The following SLC1A1 variants were observed in gnomAD, a reference collection of about 807,000 sequenced individuals.
SLC1A1 encodes the protein excitatory amino acid transporter 3.
In SLC1A1, 43 loss-of-function variants were observed where a neutral mutation model predicts 53.3. The observed-to-expected ratio is 0.81, with a 90% CI of 0.63 to 1.04. The LOEUF is 1.04. SLC1A1 is among the 50% of genes least tolerant of loss of function. The pLI is 0.00. For synonymous variants in SLC1A1, 307 were observed against 243.2 expected (o/e 1.26, Z -2.44); for missense variants, 748 against 664.9 (o/e 1.12, Z -1.37).
intron 5 of SLC1A1, among the ~76,000 whole-genome samples, chr9:4,567,331 T>C (rs1172330442): frequency 6.6e-6 from 1 of 152,202 alleles, no homozygotes; most frequent in Non-Finnish European, 1.5e-5. Context: ...TTGACAGGAA[T>C]CCTTACAGAG....
In SLC1A1 at chr9:4,532,996, T is replaced by C. The variant is rs188848188; in HGVS notation, c.92-11571T>C. Among the ~76,000 whole-genome samples the C allele has an allele frequency of 6.8e-4, 103 of 152,250 alleles. 1 individual carries two copies. Among genetic ancestry groups the C allele is most frequent in the Middle Eastern group, 3.4e-3 (1 of 294 alleles). On this transcript the variant is annotated intron_variant, in intron 1 of 11. Transcript: ENST00000262352. ...TAAGTGAAGGAGAAATAAAATACTTTACAGACAAGCAAATGCTGAGAGATT... is the reference window on the plus strand; with the variant it reads ...TAAGTGAAGGAGAAATAAAATACTTCACAGACAAGCAAATGCTGAGAGATT...
chr9:4,569,785 C>T (rs1052880585), intron 6 of SLC1A1, among the ~76,000 whole-genome samples: 1 of 152,214 alleles, frequency 6.6e-6, no homozygotes, highest in African/African-American at 2.4e-5. Flanking sequence ...AGATTCACCT[C>T]CTCCATCACT....
intron 1 of SLC1A1, among the ~76,000 whole-genome samples, chr9:4,542,591 A>T (rs562163241): frequency 1.1e-4 from 17 of 152,308 alleles, no homozygotes; most frequent in African/African-American, 4.1e-4. Flanking sequence ...TTTCTTTGAC[A>T]TACAAGCCAA....
chr9:4,554,649 A>T (rs1818211710), intron 2 of SLC1A1, among the ~76,000 whole-genome samples: 1 of 152,328 alleles, frequency 6.6e-6, no homozygotes, highest in South Asian at 2.1e-4. Flanking sequence ...TGAGACAGGA[A>T]GATGGCACAA....
chr9:4,576,675 G>T lies in SLC1A1; in HGVS notation c.1105G>T (p.Gly369Trp). 16 of 1,614,150 alleles carry T rather than the reference G, an allele frequency of 9.9e-6. No individual in the cohort carries two copies. Among genetic ancestry groups the T allele is most frequent in the Non-Finnish European group, 1.4e-5 (16 of 1,179,980 alleles). ...LPVGATINMD[G>W]TALYEAVAAV... is the part of the protein sequence containing the mutation. Reference sequence around the variant, plus strand: ...CGTTGGTGCAACAATCAACATGGATGGGACTGCGCTCTATGAAGCAGTGGC... The same window carrying T: ...CGTTGGTGCAACAATCAACATGGATTGGACTGCGCTCTATGAAGCAGTGGC... Residue 369 changes from glycine to tryptophan, a missense_variant, in exon 10 of 12, where the codon GGG (glycine) becomes TGG (tryptophan). Coordinates refer to ENST00000262352, the MANE Select transcript of SLC1A1 (RefSeq NM_004170.6).
At chr9:4,529,596 C>G (rs1816390652) in intron 1 of SLC1A1, among the ~76,000 whole-genome samples, 1 of 151,998 alleles carries the variant, frequency 6.6e-6, no homozygotes, top group South Asian at 2.1e-4. Context: ...TATGAGTGAA[C>G]AAATGAATAT....
intron 2 of SLC1A1, among the ~76,000 whole-genome samples, chr9:4,550,203 G>A (rs748512091): frequency 3.3e-5 from 5 of 152,164 alleles, no homozygotes; most frequent in African/African-American, 1.2e-4. Context: ...ACCAGACACT[G>A]GTTGGGTGAC....
At chr9:4,566,737 AG>A (rs1205147524) in intron 5 of SLC1A1, among the ~76,000 whole-genome samples, 1 of 152,168 alleles carries the variant, frequency 6.6e-6, no homozygotes, top group Non-Finnish European at 1.5e-5. Flanking sequence ...CCATTGCTGG[AG>A]CTCTACAATG....
At chr9:4,524,118 T>C (rs1280440189) in intron 1 of SLC1A1, among the ~76,000 whole-genome samples, 1 of 152,248 alleles carries the variant, frequency 6.6e-6, no homozygotes, top group Non-Finnish European at 1.5e-5. Context: ...GATTGTTGGC[T>C]AATTGATCCT....
chr9:4,492,801 GA>G (rs34631013), intron 1 of SLC1A1, among the ~76,000 whole-genome samples: 163 of 140,930 alleles, frequency 1.2e-3, no homozygotes, highest in East Asian at 7.9e-3. Flanking sequence ...TGTCTAAAAA[GA>G]AAAAAAAAAA....
intron 1 of SLC1A1, among the ~76,000 whole-genome samples, chr9:4,522,054 CTTTTTTT>C (rs574251219): frequency 4.3e-5 from 1 of 23,364 alleles, no homozygotes; most frequent in East Asian, 6.8e-4. Flanking sequence ...TTTTTTTTTT[CTTTTTTT>C]TTTTTTTTGA....
intron 1 of SLC1A1, among the ~76,000 whole-genome samples, chr9:4,527,123 T>C (rs1816290643): frequency 6.6e-6 from 1 of 152,114 alleles, no homozygotes; most frequent in African/African-American, 2.4e-5. Context: ...CAGTAGGACT[T>C]GCAGGAGCCG....
chr9:4,575,027 C>T (rs1005584806), intron 8 of SLC1A1, among the ~76,000 whole-genome samples: 3 of 152,184 alleles, frequency 2.0e-5, no homozygotes, highest in Admixed American at 1.3e-4. Flanking sequence ...GATCGTGTCT[C>T]AGCAGTGACG....
rs557106242 is a variant in SLC1A1, at chr9:4,510,114, A to G, written c.91+19344A>G. Among the ~76,000 whole-genome samples the G allele has an allele frequency of 3.9e-5, 6 of 152,304 alleles. No homozygotes were observed. The South Asian group carries it at 6.2e-4, about 16-fold the overall frequency. The stretch of plus-strand genomic sequence containing the variant: ...CTCCCAAAGTGCTGGGATTACAGGC[A>G]TGAGCCACTACGCCCAGTCTATTTT... On this transcript the variant is annotated intron_variant, in intron 1 of 11. Coordinates refer to ENST00000262352, the MANE Select transcript of SLC1A1 (RefSeq NM_004170.6).
intron 2 of SLC1A1, among the ~76,000 whole-genome samples, chr9:4,555,990 ATT>A (rs71326117): frequency 0.012 from 1,727 of 141,850 alleles, 11 homozygotes; most frequent in African/African-American, 0.025. Context: ...TACTAGCCCT[ATT>A]TTTTTTTTTT....
rs1821637333 is a variant in SLC1A1 at position 4,587,318 on chromosome 9, C to T, written c.*1760C>T. On this transcript the variant is annotated 3_prime_UTR_variant, in exon 12 of 12. Transcript: ENST00000262352. ...GGTTCTACCCCTTACTAGGTTGCCC[C>T]AATTAGTGGCACTAGTTGGCAGAGC... 2 of 152,146 alleles carry T rather than the reference C, an allele frequency of 1.3e-5. No homozygotes were observed. The highest frequency in any genetic ancestry group is 4.8e-5 in the African/African-American group (2 of 41,422). 9.4% of individuals were successfully genotyped at this position (152,146 alleles called of 1,614,324 possible). A position where few individuals can be genotyped will look rare whatever the true frequency, so the allele number is the denominator to read the frequency against.
At chr9:4,513,247 A>G (rs1459269116) in intron 1 of SLC1A1, among the ~76,000 whole-genome samples, 4 of 152,220 alleles carry the variant, frequency 2.6e-5, no homozygotes, top group African/African-American at 9.6e-5. Context: ...AAAGGCACTT[A>G]AGAGAATGAA....
rs985750969 is a variant in SLC1A1 at position 4,490,611 on chromosome 9, C to G, written c.-69C>G. ...CGCATCTCGCCGCGCCGCCGAGCAG[C>G]CAGCAGTCCCCGGGTCGCCCAGCCC... On this transcript the variant is annotated 5_prime_UTR_variant, in exon 1 of 12. Transcript: ENST00000262352. 1 of 1,297,332 alleles carries G rather than the reference C, an allele frequency of 7.7e-7. No homozygotes were observed. Among genetic ancestry groups the G allele is most frequent in the African/African-American group, 1.5e-5 (1 of 68,310 alleles). 80.4% of individuals were successfully genotyped at this position (1,297,332 alleles called of 1,614,324 possible).
chr9:4,525,345 G>A (rs555501103), intron 1 of SLC1A1, among the ~76,000 whole-genome samples: 3 of 152,122 alleles, frequency 2.0e-5, no homozygotes, highest in African/African-American at 4.8e-5. Flanking sequence ...GTGTAATGCC[G>A]ATTTATCAAG....
Sources: allele counts gnomAD v4.1 joint callset (sites outside exome capture counted in the v4.1 genomes callset), GRCh38; gene constraint gnomAD v4.1.1; transcripts MANE v1.5; gene names NCBI Gene and HGNC (gene_info 2026-07-23, HGNC 2026-07-21).